PRKAG2: variants seen among roughly 807,000 people sequenced by gnomAD.
PRKAG2 encodes 5'-AMP-activated protein kinase subunit gamma-2.
A neutral mutation model predicts 69.6 loss-of-function variants in PRKAG2; 26 were observed. The ratio of observed to expected loss-of-function variants is 0.37; its 90% CI spans 0.27 to 0.52. The LOEUF is 0.52. Ranked by LOEUF, PRKAG2 falls within the 20% of genes least tolerant of loss-of-function variation. The pLI is 0.90. For synonymous variants in PRKAG2, 293 were observed against 285.0 expected, an observed-to-expected ratio of 1.03 and a Z score of -0.28; for missense variants, 557 against 740.0, an observed-to-expected ratio of 0.75 and a Z score of 2.87.
intron 1 of PRKAG2, among the ~76,000 whole-genome samples, chr7:151,867,384 C>T (rs1302862400): frequency 5.3e-5 from 8 of 152,176 alleles, no homozygotes; most frequent in African/African-American, 1.2e-4. Context: ...CCGAAACCTC[C>T]GGGAGGATCC....
intron 6 of PRKAG2, among the ~76,000 whole-genome samples, chr7:151,581,470 A>G (rs576677491): frequency 3.0e-4 from 45 of 152,350 alleles, no homozygotes; most frequent in Admixed American, 1.6e-3. Flanking sequence ...GGCTTCCTTC[A>G]GTGGACACAT....
chr7:151,635,017 T>C (rs1406821162), intron 4 of PRKAG2, among the ~76,000 whole-genome samples: 1 of 149,864 alleles, frequency 6.7e-6, no homozygotes, highest in Non-Finnish European at 1.5e-5. Flanking sequence ...TGGACCTATC[T>C]CAACTCACTG....
intron 3 of PRKAG2, among the ~76,000 whole-genome samples, chr7:151,750,718 T>C (rs1358043185): frequency 6.6e-6 from 1 of 152,054 alleles, no homozygotes; most frequent in Non-Finnish European, 1.5e-5. Context: ...GTTATATACT[T>C]TAACACTGTT....
chr7:151,846,283 C>T (rs2079430307), intron 1 of PRKAG2, among the ~76,000 whole-genome samples: 1 of 152,120 alleles, frequency 6.6e-6, no homozygotes, highest in Non-Finnish European at 1.5e-5. Context: ...GTCTGGCCAA[C>T]ATAGCGAAAC....
intron 1 of PRKAG2, among the ~76,000 whole-genome samples, chr7:151,859,991 G>A (rs953772973): frequency 2.6e-5 from 4 of 152,158 alleles, no homozygotes; most frequent in Admixed American, 2.0e-4. Context: ...TTCCCTCTCC[G>A]CCACCTGCAG....
Position 151,869,803 on chromosome 7 carries a change from C to T in PRKAG2, c.114+6704G>A, listed in dbSNP as rs564410529. ...CTGCAGAGCGGCAACCAAGCTTCAT[C>T]AAAAACCCTGGAGCCACAGGCCAGT... On this transcript the variant is annotated intron_variant, in intron 1 of 15. Transcript: ENST00000287878. Among the ~76,000 whole-genome samples the T allele has an allele frequency of 2.4e-3, 373 of 152,334 alleles. 1 individual carries two copies. The highest frequency in any genetic ancestry group is 8.3e-3 in the African/African-American group (346 of 41,572).
intron 3 of PRKAG2, among the ~76,000 whole-genome samples, chr7:151,732,729 G>T (rs1172821088): frequency 6.6e-6 from 1 of 152,132 alleles, no homozygotes; most frequent in Non-Finnish European, 1.5e-5. Flanking sequence ...TCTCACTGTT[G>T]TCACCCAGGC....
chr7:151,782,376 G>T (rs560701357), intron 2 of PRKAG2, among the ~76,000 whole-genome samples: 1 of 73,028 alleles, frequency 1.4e-5, no homozygotes, highest in Admixed American at 1.4e-4. Context: ...AGGGAGGGAA[G>T]GAAAGAAGGA....
intron 3 of PRKAG2, among the ~76,000 whole-genome samples, chr7:151,745,483 C>T (rs2074220526): frequency 6.6e-6 from 1 of 152,208 alleles, no homozygotes; most frequent in Non-Finnish European, 1.5e-5. Context: ...CTCAAGCCCC[C>T]ACGCCTCTGT....
chr7:151,814,710 C>CAGACAGCATGGGCTGGCCTA lies in PRKAG2; in HGVS notation c.115-28189_115-28170dup, dbSNP rs2078588846. ...CCAAGGCAGCGCAACAAGCGGCTGG[C>CAGACAGCATGGGCTGGCCTA]AGACAGCATGGGCTGGCCTAAGACA... is the stretch of plus-strand genomic sequence containing the variant. On this transcript the variant is annotated intron_variant, in intron 1 of 15. Transcript: ENST00000287878. This position sits in a 1 kb window ranked among gnomAD's most constrained non-coding sequence, Gnocchi z 4.8. The CAGACAGCATGGGCTGGCCTA allele has an allele frequency of 1.6e-6, 2 of 1,231,664 alleles. No homozygotes were observed. Among genetic ancestry groups the CAGACAGCATGGGCTGGCCTA allele is most frequent in the African/African-American group, 3.1e-5 (2 of 64,418 alleles). 76.3% of individuals were successfully genotyped at this position (1,231,664 alleles called of 1,614,324 possible).
chr7:151,630,766 C>A lies in PRKAG2; in HGVS notation c.754+1303G>T, dbSNP rs112852432. 5.3e-5 allele frequency among the ~76,000 whole-genome samples: 8 copies of A among 152,298 alleles called. No individual in the cohort carries two copies. In the South Asian group the frequency reaches 1.7e-3, roughly 32 times the overall value. ...GCACACCATTCCACCCTGTGGACAG[C>A]GGCCAAGATTTGGCCTGCAATATAA... is the stretch of plus-strand genomic sequence containing the variant. On this transcript the variant is annotated intron_variant, in intron 5 of 15. Transcript: ENST00000287878.
At chr7:151,576,001 T>G (rs1195193318) in intron 7 of PRKAG2, among the ~76,000 whole-genome samples, 2 of 151,294 alleles carry the variant, frequency 1.3e-5, no homozygotes, top group African/African-American at 2.4e-5. Flanking sequence ...TTTTTTTTTT[T>G]GACAGGGTCT....
chr7:151,786,336 G>A, intron 2 of PRKAG2, 134 bp downstream of exon 2: 1 of 881,182 alleles, frequency 1.1e-6, no homozygotes, highest in South Asian at 1.4e-5. Context: ...GATGGGCTCG[G>A]TTACGGCCAG....
At chr7:151,724,400 G>A (rs546879375) in intron 3 of PRKAG2, among the ~76,000 whole-genome samples, 5 of 152,210 alleles carry the variant, frequency 3.3e-5, no homozygotes, top group African/African-American at 7.2e-5. Context: ...AGAGTCTGTC[G>A]GCCCTGCTGT....
Position 151,704,502 on chromosome 7 carries a change from A to G in PRKAG2, c.467-28865T>C, listed in dbSNP as rs1221374765. ...GGAGGTTCCATTATGCAAATCTACC[A>G]TCATGTGTTTACCATTTCGACTGCT... On this transcript the variant is annotated intron_variant, in intron 3 of 15. Coordinates refer to ENST00000287878, the MANE Select transcript of PRKAG2 (RefSeq NM_016203.4). Among the ~76,000 whole-genome samples, 4 of 152,324 alleles carry G rather than the reference A, an allele frequency of 2.6e-5. 1 individual carries two copies. The South Asian group carries it at 6.2e-4, about 24-fold the overall frequency.
Position 151,814,086 on chromosome 7 carries a change from C to G in PRKAG2, c.115-27545G>C, listed in dbSNP as rs1286926400. On this transcript the variant is annotated intron_variant, in intron 1 of 15. Transcript: ENST00000287878. The surrounding 1 kb of genome is among the most constrained non-coding windows in gnomAD (Gnocchi z 4.8). ...ACCCAGGACCCAGTGTGTGAGGCAG[C>G]TCTGCTCAGCCTGGCAGGGGAGGAG... Among the ~76,000 whole-genome samples, 1 of 152,204 alleles carries G rather than the reference C, an allele frequency of 6.6e-6. No individual in the cohort carries two copies. The highest frequency in any genetic ancestry group is 1.5e-5 in the Non-Finnish European group (1 of 68,032).
intron 3 of PRKAG2, among the ~76,000 whole-genome samples, chr7:151,748,136 G>A (rs934336395): frequency 6.6e-6 from 1 of 151,938 alleles, no homozygotes; most frequent in Non-Finnish European, 1.5e-5. Context: ...GCCCAGACTG[G>A]TCTCAAACTC....
At chr7:151,641,967 G>A (rs193199669) in intron 4 of PRKAG2, among the ~76,000 whole-genome samples, 1,605 of 150,268 alleles carry the variant, frequency 0.011, 17 homozygotes, top group Non-Finnish European at 0.018. Context: ...GTTGAGGTGG[G>A]AGGATCACTT....
Position 151,672,569 on chromosome 7 carries a change from T to G in PRKAG2, c.684+2851A>C, listed in dbSNP as rs894790359. Among the ~76,000 whole-genome samples, 14 of 150,802 alleles carry G rather than the reference T, an allele frequency of 9.3e-5. 1 individual carries two copies. The highest frequency in any genetic ancestry group is 9.2e-4 in the Admixed American group (14 of 15,186). ...TCCCCCCAGCCCCCGGTACCCACCATTCTACATTCCGTCTCTATTTGGATG... is the reference window on the plus strand; with the variant it reads ...TCCCCCCAGCCCCCGGTACCCACCAGTCTACATTCCGTCTCTATTTGGATG... On this transcript the variant is annotated intron_variant, in intron 4 of 15. Transcript: ENST00000287878.
Sources: allele counts gnomAD v4.1 joint callset (sites outside exome capture counted in the v4.1 genomes callset), GRCh38; gene constraint gnomAD v4.1.1; non-coding constraint Gnocchi (gnomAD v3.1); transcripts MANE v1.5; gene names NCBI Gene and HGNC (gene_info 2026-07-23, HGNC 2026-07-21).